RARB: variants seen among roughly 807,000 people sequenced by gnomAD.
The protein encoded by RARB is HBV-activated protein.
A neutral mutation model predicts 51.9 loss-of-function variants in RARB; 17 were observed. The observed-to-expected ratio is 0.33, with a 90% CI of 0.22 to 0.49. The LOEUF is 0.49. Ranked by LOEUF, RARB falls within the 20% of genes least tolerant of loss-of-function variation. The pLI is 0.99. For missense variants in RARB, 369 were observed against 550.8 expected, an observed-to-expected ratio of 0.67 and a Z score of 3.30; for synonymous variants, 215 against 195.4, an observed-to-expected ratio of 1.10 and a Z score of -0.84.
At chr3:24,957,897 A>C (rs947869622) in intron 2 of RARB, among the ~76,000 whole-genome samples, 2 of 152,216 alleles carry the variant, frequency 1.3e-5, no homozygotes, top group African/African-American at 4.8e-5. Context: ...CCACACAGAT[A>C]ACATAGGTGT....
At chr3:25,099,127 T>C (rs966835961) in intron 3 of RARB, among the ~76,000 whole-genome samples, 2 of 152,082 alleles carry the variant, frequency 1.3e-5, no homozygotes, top group Non-Finnish European at 2.9e-5. Context: ...ATGAGTGAGG[T>C]GGTGAGCATA....
intron 4 of RARB, among the ~76,000 whole-genome samples, chr3:25,165,337 T>A (rs1032124777): frequency 6.6e-6 from 1 of 152,166 alleles, no homozygotes; most frequent in African/African-American, 2.4e-5. Flanking sequence ...TGTATACATT[T>A]CCATTTCTAT....
At chr3:25,154,948 G>A (rs1180021399) in intron 4 of RARB, among the ~76,000 whole-genome samples, 1 of 152,134 alleles carries the variant, frequency 6.6e-6, no homozygotes, top group Admixed American at 6.5e-5. Context: ...TTTTACTTTT[G>A]TATTCCAACA....
intron 2 of RARB, among the ~76,000 whole-genome samples, chr3:24,935,211 T>C (rs1184954535): frequency 2.0e-5 from 3 of 152,132 alleles, no homozygotes; most frequent in African/African-American, 7.2e-5. Context: ...TCAAATTGCT[T>C]TGTTACGTTT....
At chr3:25,178,048 G>A (rs1161995740) in intron 5 of RARB, among the ~76,000 whole-genome samples, 1 of 151,870 alleles carries the variant, frequency 6.6e-6, no homozygotes, top group East Asian at 1.9e-4. Context: ...ACAGGGGGTG[G>A]GCCCTGTTCT....
intron 5 of RARB, among the ~76,000 whole-genome samples, chr3:25,245,563 G>T (rs1021214390): frequency 5.9e-5 from 9 of 152,102 alleles, no homozygotes; most frequent in African/African-American, 2.2e-4. Flanking sequence ...CACTTATGAA[G>T]CTTAGTTTGG....
chr3:25,332,946 A>T (rs1234712970), intron 5 of RARB, among the ~76,000 whole-genome samples: 2 of 152,176 alleles, frequency 1.3e-5, no homozygotes, highest in African/African-American at 4.8e-5. Flanking sequence ...AGAGAATAAA[A>T]TACCTAGGAA....
chr3:25,223,823 A>G (rs1701998151), intron 5 of RARB, among the ~76,000 whole-genome samples: 2 of 152,218 alleles, frequency 1.3e-5, no homozygotes, highest in South Asian at 4.1e-4. Context: ...TTTTAGCACT[A>G]TCACCCGAGT....
intron 5 of RARB, among the ~76,000 whole-genome samples, chr3:25,392,544 T>C (rs375114867): frequency 6.6e-6 from 1 of 152,218 alleles, no homozygotes; most frequent in Admixed American, 6.5e-5. Context: ...TTTCCATTTG[T>C]TTGTGTTGTC....
At chr3:24,958,598 G>A (rs1328719199) in intron 2 of RARB, among the ~76,000 whole-genome samples, 1 of 152,074 alleles carries the variant, frequency 6.6e-6, no homozygotes, top group African/African-American at 2.4e-5. Flanking sequence ...TGTAGTCAGC[G>A]CTAGTTTGCA....
At chr3:25,448,177 T>C (rs1709032919) in intron 1 of RARB, among the ~76,000 whole-genome samples, 1 of 152,126 alleles carries the variant, frequency 6.6e-6, no homozygotes, top group Non-Finnish European at 1.5e-5. Context: ...AGTTCATACT[T>C]CCAACCATAT....
intron 5 of RARB, among the ~76,000 whole-genome samples, chr3:25,176,816 C>T (rs1403411955): frequency 6.6e-6 from 1 of 152,242 alleles, no homozygotes; most frequent in Admixed American, 6.5e-5. Flanking sequence ...TTCACAGTTA[C>T]TAATAAAGTA....
intron 5 of RARB, among the ~76,000 whole-genome samples, chr3:25,370,215 C>A (rs1706256979): frequency 6.6e-6 from 1 of 152,134 alleles, no homozygotes; most frequent in Admixed American, 6.5e-5. Context: ...GTTAAAGGAG[C>A]ACTTTACCTT....
At chr3:25,037,680 A>G (rs914785497) in intron 2 of RARB, among the ~76,000 whole-genome samples, 4 of 152,118 alleles carry the variant, frequency 2.6e-5, no homozygotes, top group African/African-American at 7.2e-5. Flanking sequence ...AGAGAAAGCA[A>G]GCTGAAGAGC....
intron 5 of RARB, among the ~76,000 whole-genome samples, chr3:25,356,672 A>G (rs1559369845): frequency 6.6e-6 from 1 of 152,002 alleles, no homozygotes; most frequent in Non-Finnish European, 1.5e-5. Context: ...CTTGCCCCCC[A>G]TTCCCTGACA....
intron 5 of RARB, among the ~76,000 whole-genome samples, chr3:25,275,857 G>A (rs2125413604): frequency 6.6e-6 from 1 of 152,242 alleles, no homozygotes; most frequent in East Asian, 1.9e-4. Flanking sequence ...ACACCAACAT[G>A]GTACATGTAT....
At chr3:24,926,996 C>T (rs1695334532) in intron 2 of RARB, among the ~76,000 whole-genome samples, 2 of 152,034 alleles carry the variant, frequency 1.3e-5, no homozygotes, top group Non-Finnish European at 1.5e-5. Context: ...GTTTAGAGTA[C>T]ACATAAGACT....
intron 2 of RARB, among the ~76,000 whole-genome samples, chr3:25,467,078 T>C (rs543518192): frequency 6.6e-6 from 1 of 152,282 alleles, no homozygotes; most frequent in South Asian, 2.1e-4. Flanking sequence ...CTTTAAGCCA[T>C]GTCTGGTCAT....
At chr3:25,585,777 G>A (rs1489187438) in intron 5 of RARB, among the ~76,000 whole-genome samples, 1 of 152,186 alleles carries the variant, frequency 6.6e-6, no homozygotes, top group East Asian at 1.9e-4. Flanking sequence ...AACTTCAGAA[G>A]CGGGACTGAT....
Sources: gnomAD v4.1 joint callset for allele counts (sites outside exome capture counted in the v4.1 genomes callset) on GRCh38, gnomAD v4.1.1 for gene constraint, MANE v1.5 for transcripts, NCBI Gene and HGNC (gene_info 2026-07-23, HGNC 2026-07-21) for gene names.